LSAMP: variants seen among roughly 807,000 people sequenced by gnomAD.
LSAMP encodes limbic system-associated membrane protein.
In LSAMP, 7 loss-of-function variants were observed where a neutral mutation model predicts 38.6. The observed-to-expected ratio is 0.18, with a 90% CI of 0.10 to 0.34. The LOEUF is 0.34. LSAMP is among the 10% of genes least tolerant of loss of function. LSAMP has a pLI of 1.00. For synonymous variants in LSAMP, 154 were observed against 166.8 expected (o/e 0.92, Z 0.59); for missense variants, 313 against 420.0 (o/e 0.75, Z 2.23).
At chr3:115,998,026 C>T (rs1939878025) in intron 3 of LSAMP, among the ~76,000 whole-genome samples, 1 of 150,378 alleles carries the variant, frequency 6.6e-6, no homozygotes, top group African/African-American at 2.4e-5. Flanking sequence ...CAGCAGCATC[C>T]TTGGCCTCAA....
chr3:116,288,072 GTTTCT>G (rs1271108360), intron 1 of LSAMP, among the ~76,000 whole-genome samples: 2 of 152,130 alleles, frequency 1.3e-5, no homozygotes, highest in Non-Finnish European at 1.5e-5. Context: ...AGGCAGGTAT[GTTTCT>G]TTTCTTTGTT....
At chr3:116,139,061 A>T (rs1275801801) in intron 1 of LSAMP, among the ~76,000 whole-genome samples, 1 of 151,992 alleles carries the variant, frequency 6.6e-6, no homozygotes, top group East Asian at 1.9e-4. Context: ...GTGTATAAGT[A>T]TATATAATAT....
In LSAMP at chr3:115,841,832, T is replaced by A; in HGVS notation, c.919+13A>T. 1 of 1,592,626 alleles carries A rather than the reference T, an allele frequency of 6.3e-7. No homozygotes were observed. The highest frequency in any genetic ancestry group is 8.5e-7 in the Non-Finnish European group (1 of 1,170,728). Reference sequence around the variant, plus strand: ...TAATTCCATCAAGTTGGGCCCTGCTTTGGCATACTTACTGAAAAGGACTAG... The same window carrying A: ...TAATTCCATCAAGTTGGGCCCTGCTATGGCATACTTACTGAAAAGGACTAG... On this transcript the variant is annotated intron_variant, in intron 6 of 6. Transcript: ENST00000490035.
chr3:116,110,099 C>T (rs1708568206), intron 1 of LSAMP, among the ~76,000 whole-genome samples: 2 of 151,866 alleles, frequency 1.3e-5, no homozygotes, highest in African/African-American at 4.8e-5. Flanking sequence ...GTGGGACTTG[C>T]TGCTAAGGGT....
chr3:116,150,153 A>C (rs1291322454), intron 1 of LSAMP, among the ~76,000 whole-genome samples: 1 of 152,070 alleles, frequency 6.6e-6, no homozygotes, highest in African/African-American at 2.4e-5. Context: ...TGAATGTTAG[A>C]ATTTAATACA....
At position 116,182,641 on chromosome 3, in the gene LSAMP, T is replaced by C. The variant is rs1210840112; in HGVS notation, c.156-96085A>G. Among the ~76,000 whole-genome samples, 12 of 151,706 alleles carry C rather than the reference T, an allele frequency of 7.9e-5. No individual in the cohort carries two copies. The East Asian group carries it at 2.3e-3, about 29-fold the overall frequency. The stretch of plus-strand genomic sequence containing the variant: ...TCTAGAGAAAATCTTTCCTAATATT[T>C]CTAAACAGAATGGAGAAAAGGCAAT... On this transcript the variant is annotated intron_variant, in intron 1 of 6. Coordinates refer to ENST00000490035, the MANE Select transcript of LSAMP (RefSeq NM_002338.5).
chr3:115,839,277 C>T (rs948750942), intron 6 of LSAMP, among the ~76,000 whole-genome samples: 13 of 121,330 alleles, frequency 1.1e-4, no homozygotes, highest in African/African-American at 3.9e-4. Context: ...TTCCTTCCTT[C>T]CTTCCTTCCT....
chr3:116,212,243 G>A (rs559960339), intron 1 of LSAMP, among the ~76,000 whole-genome samples: 29 of 152,314 alleles, frequency 1.9e-4, no homozygotes, highest in African/African-American at 6.7e-4. Context: ...GATGCGCAAA[G>A]TTCAGTTCTA....
At chr3:116,351,207 AG>A (rs1235451610) in intron 1 of LSAMP, among the ~76,000 whole-genome samples, 1 of 152,014 alleles carries the variant, frequency 6.6e-6, no homozygotes, top group African/African-American at 2.4e-5. Context: ...TGCATTGCTG[AG>A]AGTGAAGGCA....
rs1192776861 is a variant in LSAMP, at chr3:115,805,248, T to C, written c.*5069A>G. 2.0e-5 allele frequency: 3 copies of C among 152,122 alleles called. No homozygotes were observed. Among genetic ancestry groups the C allele is most frequent in the Admixed American group, 2.0e-4 (3 of 15,264 alleles). 9.4% of individuals were successfully genotyped at this position (152,122 alleles called of 1,614,324 possible). A position where few individuals can be genotyped will look rare whatever the true frequency, so the allele number is the denominator to read the frequency against. ...CTTAGATCCTGAAAGACCAAAGAGG[T>C]GACTTGAGCAGGATATAAACCTTGA... On this transcript the variant is annotated 3_prime_UTR_variant, in exon 7 of 7. Transcript: ENST00000490035.
At chr3:115,832,528 T>C (rs1559841381) in intron 6 of LSAMP, among the ~76,000 whole-genome samples, 1 of 152,292 alleles carries the variant, frequency 6.6e-6, no homozygotes, top group South Asian at 2.1e-4. Flanking sequence ...CATCCTATTG[T>C]TAGTATTTCT....
At chr3:116,240,816 A>G (rs1454776907) in intron 1 of LSAMP, among the ~76,000 whole-genome samples, 1 of 152,254 alleles carries the variant, frequency 6.6e-6, no homozygotes, top group Non-Finnish European at 1.5e-5. Context: ...AAATAATAGC[A>G]TTAAATAACA....
intron 6 of LSAMP, among the ~76,000 whole-genome samples, chr3:115,813,964 C>G (rs1462627925): frequency 1.3e-5 from 2 of 152,248 alleles, no homozygotes; most frequent in Non-Finnish European, 2.9e-5. Flanking sequence ...GCAAATAGAA[C>G]CACAATTCAA....
rs78036258 is a variant in LSAMP, at chr3:116,050,055, G to A, written c.389-30415C>T. On this transcript the variant is annotated intron_variant, in intron 2 of 6. Coordinates refer to ENST00000490035, the MANE Select transcript of LSAMP (RefSeq NM_002338.5). Reference sequence around the variant, plus strand: ...GGCTGATCACCTGAATTATATCAATGACATCCTTGTCTCTGGCTTCCAATT... The same window carrying A: ...GGCTGATCACCTGAATTATATCAATAACATCCTTGTCTCTGGCTTCCAATT... Among the ~76,000 whole-genome samples the A allele has an allele frequency of 1.5e-3, 225 of 152,280 alleles. 1 individual carries two copies. The highest frequency in any genetic ancestry group is 5.1e-3 in the African/African-American group (212 of 41,562).
chr3:116,005,808 T>C (rs1017568372), intron 3 of LSAMP, among the ~76,000 whole-genome samples: 2 of 152,204 alleles, frequency 1.3e-5, no homozygotes, highest in African/African-American at 4.8e-5. Flanking sequence ...TCTAGTTTTC[T>C]GGCATTATAG....
chr3:116,096,842 A>G (rs1035077298), intron 1 of LSAMP, among the ~76,000 whole-genome samples: 2 of 152,220 alleles, frequency 1.3e-5, no homozygotes, highest in African/African-American at 4.8e-5. Context: ...CTGTCTCCTC[A>G]GTGACTGAGT....
chr3:116,224,021 A>C (rs942087616), intron 1 of LSAMP, among the ~76,000 whole-genome samples: 1 of 152,158 alleles, frequency 6.6e-6, no homozygotes, highest in African/African-American at 2.4e-5. Context: ...TTAAAAAAAA[A>C]AACTTTCCTG....
At chr3:115,940,279 C>T (rs965504502) in intron 3 of LSAMP, among the ~76,000 whole-genome samples, 3 of 152,150 alleles carry the variant, frequency 2.0e-5, no homozygotes, top group Non-Finnish European at 2.9e-5. Flanking sequence ...GCTGGGGTGG[C>T]CAGCTTTTAT....
intron 1 of LSAMP, among the ~76,000 whole-genome samples, chr3:116,232,695 C>CTTTTTT (rs1358749128): frequency 2.2e-4 from 6 of 27,290 alleles, no homozygotes; most frequent in Admixed American, 4.8e-4. Context: ...TTCTTTCTTT[C>CTTTTTT]TTTCTTTTTT....
Sources: allele counts gnomAD v4.1 joint callset (sites outside exome capture counted in the v4.1 genomes callset), GRCh38; gene constraint gnomAD v4.1.1; transcripts MANE v1.5; gene names NCBI Gene and HGNC (gene_info 2026-07-23, HGNC 2026-07-21).